DGKH: variants seen among roughly 807,000 people sequenced by gnomAD.
The protein encoded by DGKH is DAG kinase eta.
A neutral mutation model predicts 159.3 loss-of-function variants in DGKH; 90 were observed. That is an observed-to-expected ratio of 0.57 (90% CI 0.48 to 0.67). The LOEUF (loss-of-function observed/expected upper bound fraction) is 0.67. Ranked by LOEUF, DGKH falls within the 30% of genes least tolerant of loss-of-function variation. The probability of loss-of-function intolerance (pLI) is 0.00; values close to 1 mark genes in which losing one functional copy is unlikely to be tolerated. For missense variants in DGKH, 1,181 were observed against 1,506.1 expected (o/e 0.78, Z 3.57); for synonymous variants, 536 against 553.8 (o/e 0.97, Z 0.45).
chr13:42,135,507 A>AAAAAAG (rs71096557), intron 3 of DGKH, among the ~76,000 whole-genome samples: 3 of 113,442 alleles, frequency 2.6e-5, no homozygotes, highest in African/African-American at 5.7e-5. Context: ...AAAAAAAAAA[A>AAAAAAG]AGAGAGAGAG....
At chr13:42,133,007 A>G (rs984615420) in intron 3 of DGKH, among the ~76,000 whole-genome samples, 5 of 151,868 alleles carry the variant, frequency 3.3e-5, no homozygotes, top group African/African-American at 1.2e-4. Flanking sequence ...TCTTTACTAA[A>G]AAAAATACAA....
At chr13:42,188,901 TTAAAGGTGAGAA>T in intron 14 of DGKH, 123 bp from the exon 15 acceptor site, 2 of 989,934 alleles carry the variant, frequency 2.0e-6, no homozygotes, top group Non-Finnish European at 2.9e-6. Flanking sequence ...ATCTACAAAA[TTAAAGGTGAGAA>T]TTTTGGTGTT....
chr13:42,084,837 A>G (rs754126197), intron 1 of DGKH, among the ~76,000 whole-genome samples: 7 of 152,010 alleles, frequency 4.6e-5, no homozygotes, highest in Non-Finnish European at 1.0e-4. Context: ...ACTAAGATGT[A>G]TAGCAATTTG....
intron 1 of DGKH, among the ~76,000 whole-genome samples, chr13:42,121,828 C>G (rs1955078997): frequency 6.6e-6 from 1 of 152,162 alleles, no homozygotes; most frequent in Admixed American, 6.5e-5. Flanking sequence ...GTTCCTGGGA[C>G]ACAGAGAGTC....
At chr13:42,155,908 C>A in intron 5 of DGKH, 109 bp downstream of exon 5, 2 of 1,259,496 alleles carry the variant, frequency 1.6e-6, no homozygotes, top group Non-Finnish European at 2.1e-6. Context: ...ATAGGACTAG[C>A]TTGGAAAATA....
chr13:42,136,270 T>C (rs1386411017), intron 3 of DGKH, among the ~76,000 whole-genome samples: 1 of 152,236 alleles, frequency 6.6e-6, no homozygotes, highest in Non-Finnish European at 1.5e-5. Flanking sequence ...GGATGAACTT[T>C]ATCTTGAGAA....
chr13:42,132,123 TG>T (rs2137853438), intron 3 of DGKH, among the ~76,000 whole-genome samples: 1 of 152,360 alleles, frequency 6.6e-6, no homozygotes, highest in East Asian at 1.9e-4. Context: ...AACATTTATT[TG>T]TTTTTTAATG....
At chr13:42,209,545 A>G in intron 23 of DGKH, 80 bp downstream of exon 23, 2 of 1,392,970 alleles carry the variant, frequency 1.4e-6, no homozygotes, top group Non-Finnish European at 1.9e-6. Context: ...TAGAAAATGA[A>G]AACATTTAAA....
At chr13:42,171,689 A>T (rs1354162336) in intron 11 of DGKH, among the ~76,000 whole-genome samples, 2 of 152,082 alleles carry the variant, frequency 1.3e-5, no homozygotes, top group Admixed American at 6.5e-5. Context: ...CATCATACCT[A>T]TTTTTTGCAC....
At chr13:42,210,540 C>T in intron 23 of DGKH, 62 bp from the exon 24 acceptor site, 7 of 1,461,032 alleles carry the variant, frequency 4.8e-6, no homozygotes, top group South Asian at 2.6e-5. Flanking sequence ...TATTAAAGCA[C>T]ACATTTACAT....
intron 1 of DGKH, among the ~76,000 whole-genome samples, chr13:42,065,512 T>C (rs1176059060): frequency 6.6e-6 from 1 of 152,206 alleles, no homozygotes; most frequent in African/African-American, 2.4e-5. Context: ...TCATTTGCTA[T>C]GGAACAAGGG....
intron 8 of DGKH, among the ~76,000 whole-genome samples, chr13:42,165,726 G>A (rs913783250): frequency 8.7e-5 from 13 of 149,088 alleles, no homozygotes; most frequent in Non-Finnish European, 1.8e-4. Flanking sequence ...ATCTGAAAAG[G>A]TTAATTTTTA....
intron 23 of DGKH, 56 bp from the exon 24 acceptor site, chr13:42,210,546 T>A: frequency 6.5e-7 from 1 of 1,528,048 alleles, no homozygotes. Context: ...AGCACACATT[T>A]ACATGGACCT....
In DGKH at chr13:42,093,625, C is replaced by T. The variant is rs879379034; in HGVS notation, c.193-33838C>T. Reference sequence around the variant, plus strand: ...AACAACGCAAGTGCCAATAAACAGACGAATGGGTAAAGAAAATGTGGTGTA... The same window carrying T: ...AACAACGCAAGTGCCAATAAACAGATGAATGGGTAAAGAAAATGTGGTGTA... On this transcript the variant is annotated intron_variant, in intron 1 of 29. Transcript: ENST00000337343. Among the ~76,000 whole-genome samples, 10 of 152,070 alleles carry T rather than the reference C, an allele frequency of 6.6e-5. No individual in the cohort carries two copies. The South Asian group carries it at 8.3e-4, about 13-fold the overall frequency.
intron 6 of DGKH, 71 bp from the exon 7 acceptor site, chr13:42,159,940 C>G (rs887165329): frequency 1.8e-4 from 282 of 1,608,732 alleles, no homozygotes; most frequent in Non-Finnish European, 1.9e-4. Flanking sequence ...AGAAATGATT[C>G]AAAATCTCCC....
intron 3 of DGKH, among the ~76,000 whole-genome samples, chr13:42,133,792 C>G (rs1955341340): frequency 6.6e-6 from 1 of 152,162 alleles, no homozygotes; most frequent in African/African-American, 2.4e-5. Flanking sequence ...GGTTTTAGAG[C>G]AAATGAATTT....
At chr13:42,211,534 C>A (rs548916413) in intron 24 of DGKH, among the ~76,000 whole-genome samples, 4 of 152,118 alleles carry the variant, frequency 2.6e-5, no homozygotes, top group South Asian at 4.2e-4. Context: ...CCCGTCTCTA[C>A]TAAAAATACA....
In DGKH at chr13:42,207,089, C is replaced by CTT. The variant is rs1428499676; in HGVS notation, c.2601+945_2601+946dup. 7.7e-5 allele frequency among the ~76,000 whole-genome samples: 10 copies of CTT among 129,722 alleles called. 1 individual carries two copies. The highest frequency in any genetic ancestry group is 1.5e-4 in the Non-Finnish European group (9 of 61,556). The allele number at this position is 129,722 out of a possible 152,430, so 85.1% of individuals were successfully genotyped here. A position where few individuals can be genotyped will look rare whatever the true frequency, so the allele number is the denominator to read the frequency against. ...TCTTTCTTTCTTTCTTTCTTTCTTT[C>CTT]TTTCTTTCTTTCTTTCTTTCTTTCT... is the stretch of plus-strand genomic sequence containing the variant. On this transcript the variant is annotated intron_variant, in intron 21 of 29. Transcript: ENST00000337343.
In DGKH at chr13:42,139,509, G is replaced by A. The variant is rs116013301; in HGVS notation, c.384+9877G>A. Among the ~76,000 whole-genome samples the A allele has an allele frequency of 8.9e-3, 1,351 of 152,254 alleles. 18 individuals are homozygous for A. The highest frequency in any genetic ancestry group is 0.029 in the African/African-American group (1,210 of 41,538). ...GTGTCATGATCATTTGCTGTGCCTGGTGTTACCATGTTCCCCTTGCCCTTA... is the reference window on the plus strand; with the variant it reads ...GTGTCATGATCATTTGCTGTGCCTGATGTTACCATGTTCCCCTTGCCCTTA... On this transcript the variant is annotated intron_variant, in intron 3 of 29. Coordinates refer to ENST00000337343, the MANE Select transcript of DGKH (RefSeq NM_178009.5).
Sources: allele counts gnomAD v4.1 joint callset (sites outside exome capture counted in the v4.1 genomes callset), GRCh38; gene constraint gnomAD v4.1.1; transcripts MANE v1.5; gene names NCBI Gene and HGNC (gene_info 2026-07-23, HGNC 2026-07-21).